Variants in PRDM6 observed in about 807,000 individuals in gnomAD.
PRDM6 encodes PR/SET domain 6.
PRDM6 carries 25 observed loss-of-function variants against 60.8 expected under a neutral mutation model. That is an observed-to-expected ratio of 0.41 (90% CI 0.30 to 0.57). The LOEUF (loss-of-function observed/expected upper bound fraction) is 0.57, where lower values mean the gene tolerates loss of function less well. PRDM6 is among the 20% of genes least tolerant of loss of function. The pLI is 0.27. For synonymous variants in PRDM6, 407 were observed against 357.4 expected, an observed-to-expected ratio of 1.14 and a Z score of -1.57; for missense variants, 839 against 821.3, an observed-to-expected ratio of 1.02 and a Z score of -0.26.
intron 6 of PRDM6, among the ~76,000 whole-genome samples, chr5:123,174,703 A>G: frequency 6.6e-6 from 1 of 152,196 alleles, no homozygotes; most frequent in Non-Finnish European, 1.5e-5. Context: ...GTAGATCCTC[A>G]GGGATCCCAG....
rs576120470 is a variant in PRDM6, at chr5:123,190,466, G to T, written c.*3265G>T. 6.6e-6 allele frequency: 1 copy of T among 152,142 alleles called. No homozygotes were observed. Among genetic ancestry groups the T allele is most frequent in the East Asian group, 1.9e-4 (1 of 5,198 alleles). The allele number at this position is 152,142 out of a possible 1,614,324, so 9.4% of individuals were successfully genotyped here. A position where few individuals can be genotyped will look rare whatever the true frequency, so the allele number is the denominator to read the frequency against. On this transcript the variant is annotated 3_prime_UTR_variant, in exon 8 of 8. Coordinates refer to ENST00000407847, the MANE Select transcript of PRDM6 (RefSeq NM_001136239.4). Reference sequence around the variant, plus strand: ...TTTGGAGGAGATATACTTCTAAAAAGTTATTGTATGGCTAATTAAAGCTAT... The same window carrying T: ...TTTGGAGGAGATATACTTCTAAAAATTTATTGTATGGCTAATTAAAGCTAT...
chr5:123,167,005 G>A lies in PRDM6; in HGVS notation c.1154-3761G>A, dbSNP rs564926783. Among the ~76,000 whole-genome samples the A allele has an allele frequency of 5.5e-4, 83 of 152,196 alleles. No homozygotes were observed. The South Asian group carries it at 0.012, about 22-fold the overall frequency. Reference sequence around the variant, plus strand: ...TGTCTATGTTGTCTTTCTTGTGTTGGGATGAAATTTCCTGTCCTTTTTCTG... The same window carrying A: ...TGTCTATGTTGTCTTTCTTGTGTTGAGATGAAATTTCCTGTCCTTTTTCTG... On this transcript the variant is annotated intron_variant, in intron 5 of 7. Coordinates refer to ENST00000407847, the MANE Select transcript of PRDM6 (RefSeq NM_001136239.4).
rs528410342 is a variant in PRDM6, at chr5:123,192,719, A to G, written c.*5518A>G. 1 of 152,250 alleles carries G rather than the reference A, an allele frequency of 6.6e-6. No homozygotes were observed. The highest frequency in any genetic ancestry group is 2.4e-5 in the African/African-American group (1 of 41,470). 9.4% of individuals were successfully genotyped at this position (152,250 alleles called of 1,614,324 possible). A position where few individuals can be genotyped will look rare whatever the true frequency, so the allele number is the denominator to read the frequency against. On this transcript the variant is annotated 3_prime_UTR_variant, in exon 8 of 8. Transcript: ENST00000407847. ...GGCCAGAAGAGAATAAGGTTCGAAC[A>G]CTATCGACAGGTAAAAACACATCCT...
intron 3 of PRDM6, among the ~76,000 whole-genome samples, chr5:123,148,826 G>A (rs980223956): frequency 6.6e-6 from 1 of 152,082 alleles, no homozygotes; most frequent in African/African-American, 2.4e-5. Flanking sequence ...TTTAAAGGAA[G>A]AGCTCTACAT....
chr5:123,157,344 G>A (rs34794921), intron 4 of PRDM6, among the ~76,000 whole-genome samples: 1,857 of 152,218 alleles, frequency 0.012, 19 homozygotes, highest in Middle Eastern at 0.054. Flanking sequence ...ATAAAACTCT[G>A]AGCTAGAAAA....
chr5:123,138,032 C>CCA (rs1554088086), intron 3 of PRDM6, among the ~76,000 whole-genome samples: 1 of 151,760 alleles, frequency 6.6e-6, no homozygotes, highest in Non-Finnish European at 1.5e-5. Flanking sequence ...GGTTCACCCC[C>CCA]GCACCTTTCA....
chr5:123,099,535 A>C lies in PRDM6; in HGVS notation c.593-119A>C, dbSNP rs536837793. On this transcript the variant is annotated intron_variant, in intron 2 of 7. Transcript: ENST00000407847. This position sits in a 1 kb window ranked among gnomAD's most constrained non-coding sequence, Gnocchi z 4.0. ...TGCCCCCAAGGCATCACCTTCCTCG[A>C]AGGTGGCTTACCCAGGCGGGCGGTG... 1.1e-6 allele frequency: 1 copy of C among 910,406 alleles called. No homozygotes were observed. Among genetic ancestry groups the C allele is most frequent in the South Asian group, 2.0e-5 (1 of 49,188 alleles). 56.4% of individuals were successfully genotyped at this position (910,406 alleles called of 1,614,324 possible). A position where few individuals can be genotyped will look rare whatever the true frequency, so the allele number is the denominator to read the frequency against.
At chr5:123,158,429 TG>T (rs1463530011) in intron 4 of PRDM6, among the ~76,000 whole-genome samples, 1 of 152,222 alleles carries the variant, frequency 6.6e-6, no homozygotes, top group African/African-American at 2.4e-5. Flanking sequence ...CATAGAATGT[TG>T]GGAAAAACAT....
At chr5:123,124,207 G>C (rs1454282645) in intron 3 of PRDM6, among the ~76,000 whole-genome samples, 1 of 152,112 alleles carries the variant, frequency 6.6e-6, no homozygotes, top group African/African-American at 2.4e-5. Context: ...ATATATGACT[G>C]TTTATGTAGC....
rs868526999 is a variant in PRDM6, at chr5:123,099,129, A to C, written c.593-525A>C. Among the ~76,000 whole-genome samples, 11 of 152,212 alleles carry C rather than the reference A, an allele frequency of 7.2e-5. No individual in the cohort carries two copies. Among genetic ancestry groups the C allele is most frequent in the African/African-American group, 2.4e-4 (10 of 41,466 alleles). ...GTAATTGTAAAAAGAGGAAAGCTGA[A>C]TACCCAGACGACCAGTATAGAATCT... is the stretch of plus-strand genomic sequence containing the variant. On this transcript the variant is annotated intron_variant, in intron 2 of 7. Coordinates refer to ENST00000407847, the MANE Select transcript of PRDM6 (RefSeq NM_001136239.4). The surrounding 1 kb of genome is among the most constrained non-coding windows in gnomAD (Gnocchi z 4.0).
intron 3 of PRDM6, among the ~76,000 whole-genome samples, chr5:123,125,145 A>AC (rs11300497): frequency 1.4e-5 from 2 of 138,138 alleles, no homozygotes; most frequent in African/African-American, 6.0e-5. Flanking sequence ...TACATACCGC[A>AC]CCCCCTCCCC....
At chr5:123,159,773 A>C (rs337103) in intron 5 of PRDM6, 135 bp downstream of exon 5, 112 of 881,656 alleles carry the variant, frequency 1.3e-4, no homozygotes, top group Non-Finnish European at 1.7e-4. Context: ...AGTCTATTCC[A>C]TCGTTTTCTT....
At chr5:123,163,583 G>A (rs2126878360) in intron 5 of PRDM6, among the ~76,000 whole-genome samples, 1 of 152,288 alleles carries the variant, frequency 6.6e-6, no homozygotes, top group Middle Eastern at 3.4e-3. Context: ...ATGTAATAGA[G>A]CTCCAAAGAG....
rs114620936 is a variant in PRDM6 at position 123,106,425 on chromosome 5, G to A, written c.900+6464G>A. Reference sequence around the variant, plus strand: ...GGGCCTCCTGACTCTGAGGCTTGGTGGTAAAAAATGGCGCAGCATTAGACA... The same window carrying A: ...GGGCCTCCTGACTCTGAGGCTTGGTAGTAAAAAATGGCGCAGCATTAGACA... On this transcript the variant is annotated intron_variant, in intron 3 of 7. Coordinates refer to ENST00000407847, the MANE Select transcript of PRDM6 (RefSeq NM_001136239.4). Among the ~76,000 whole-genome samples the A allele has an allele frequency of 8.7e-3, 1,331 of 152,280 alleles. 27 individuals carry two copies. The highest frequency in any genetic ancestry group is 0.03 in the African/African-American group (1,266 of 41,534).
chr5:123,099,532 T>C lies in PRDM6; in HGVS notation c.593-122T>C, dbSNP rs1018986222. ...CGGTGCCCCCAAGGCATCACCTTCC[T>C]CGAAGGTGGCTTACCCAGGCGGGCG... is the stretch of plus-strand genomic sequence containing the variant. On this transcript the variant is annotated intron_variant, in intron 2 of 7. Coordinates refer to ENST00000407847, the MANE Select transcript of PRDM6 (RefSeq NM_001136239.4). This position sits in a 1 kb window ranked among gnomAD's most constrained non-coding sequence, Gnocchi z 4.0. 6.7e-6 allele frequency: 6 copies of C among 890,084 alleles called. No homozygotes were observed. The highest frequency in any genetic ancestry group is 9.7e-6 in the Non-Finnish European group (6 of 617,902). The allele number at this position is 890,084 out of a possible 1,614,324, so 55.1% of individuals were successfully genotyped here.
rs867949247 is a variant in PRDM6 at position 123,099,202 on chromosome 5, A to G, written c.593-452A>G. 3.3e-4 allele frequency among the ~76,000 whole-genome samples: 51 copies of G among 152,312 alleles called. No individual in the cohort carries two copies. The highest frequency in any genetic ancestry group is 1.2e-3 in the African/African-American group (48 of 41,580). ...AGAGACGGGCTTTTTTTCGCAATAC[A>G]AGGATAAACACATCCTGAAACTCCA... On this transcript the variant is annotated intron_variant, in intron 2 of 7. Transcript: ENST00000407847. The surrounding 1 kb of genome is among the most constrained non-coding windows in gnomAD (Gnocchi z 4.0).
chr5:123,182,198 C>T (rs1766180777), intron 7 of PRDM6, among the ~76,000 whole-genome samples: 1 of 152,222 alleles, frequency 6.6e-6, no homozygotes, highest in African/African-American at 2.4e-5. Flanking sequence ...TTCCCTATCA[C>T]CAGTGCTTGT....
At chr5:123,161,540 G>T (rs1438760831) in intron 5 of PRDM6, among the ~76,000 whole-genome samples, 1 of 152,190 alleles carries the variant, frequency 6.6e-6, no homozygotes, top group African/African-American at 2.4e-5. Context: ...ACTTAAGATG[G>T]TGAAGGAACA....
At position 123,154,534 on chromosome 5, in the gene PRDM6, TA is replaced by T. The variant is rs112984575; in HGVS notation, c.901-1341del. Among the ~76,000 whole-genome samples, 1,451 of 151,214 alleles carry T rather than the reference TA, an allele frequency of 9.6e-3. 25 individuals are homozygous for T. Among genetic ancestry groups the T allele is most frequent in the African/African-American group, 0.033 (1,363 of 41,182 alleles). On this transcript the variant is annotated intron_variant, in intron 3 of 7. Transcript: ENST00000407847. The stretch of plus-strand genomic sequence containing the variant: ...ATAAAATAAAATAAAATAAATAAAG[TA>T]AAAAAAAACTCAGCTGTTTTTAAAT...
Sources: allele counts gnomAD v4.1 joint callset (sites outside exome capture counted in the v4.1 genomes callset), GRCh38; gene constraint gnomAD v4.1.1; non-coding constraint Gnocchi (gnomAD v3.1); transcripts MANE v1.5; gene names NCBI Gene and HGNC (gene_info 2026-07-23, HGNC 2026-07-21).